Variants in FARP2 observed in about 807,000 individuals in gnomAD.
FARP2 encodes FERM, ARHGEF and pleckstrin domain-containing protein 2.
Under a neutral mutation model 130.5 loss-of-function variants are expected in FARP2, and 111 were observed. The ratio of observed to expected loss-of-function variants is 0.85; its 90% confidence interval spans 0.73 to 1.00. The LOEUF (loss-of-function observed/expected upper bound fraction) is 1.00, where lower values mean the gene tolerates loss of function less well. Ranked by LOEUF, FARP2 falls within the 50% of genes least tolerant of loss-of-function variation. FARP2 has a pLI of 0.00. For synonymous variants in FARP2, 504 were observed against 516.9 expected (o/e 0.98, Z 0.34); for missense variants, 1,385 against 1,346.3 (o/e 1.03, Z -0.45).
chr2:241,411,322 G>A (rs1468266957), intron 6 of FARP2, among the ~76,000 whole-genome samples, 192 bp downstream of exon 6: 2 of 152,242 alleles, frequency 1.3e-5, no homozygotes, highest in Non-Finnish European at 2.9e-5. Context: ...GAGGCAAATA[G>A]TTTCCACGTA....
At position 241,413,498 on chromosome 2, in the gene FARP2, T is replaced by C. The variant is rs529912710; in HGVS notation, c.623+77T>C. On this transcript the variant is annotated intron_variant, in intron 7 of 26. Coordinates refer to ENST00000264042, the MANE Select transcript of FARP2 (RefSeq NM_014808.4). ...AGAGTGTGTAACGAGAAAGGACTGT[T>C]GTCGTGACTTCTGCAAGATTCTAAC... 137 of 1,017,520 alleles carry C rather than the reference T, an allele frequency of 1.3e-4. 1 individual carries two copies. The South Asian group carries it at 1.9e-3, about 14-fold the overall frequency. The allele number at this position is 1,017,520 out of a possible 1,614,324, so 63.0% of individuals were successfully genotyped here.
intron 18 of FARP2, among the ~76,000 whole-genome samples, chr2:241,472,548 C>A (rs546059794): frequency 6.7e-6 from 1 of 149,648 alleles, no homozygotes; most frequent in East Asian, 2.0e-4. Flanking sequence ...CTGTGAGGAC[C>A]CTGTTCTGTG....
At chr2:241,476,056 AC>A in intron 19 of FARP2, 69 bp downstream of exon 19, 1 of 1,433,466 alleles carries the variant, frequency 7.0e-7, no homozygotes, top group Non-Finnish European at 9.6e-7. Flanking sequence ...TAATTTACAT[AC>A]CACAAAAGTC....
intron 14 of FARP2, among the ~76,000 whole-genome samples, chr2:241,461,800 G>A (rs560537553): frequency 2.9e-4 from 44 of 152,360 alleles, no homozygotes; most frequent in Non-Finnish European, 5.3e-4. Flanking sequence ...GGGAGAGGAC[G>A]GAGAAGAGGC....
At chr2:241,456,060 A>G (rs1018589193) in intron 13 of FARP2, among the ~76,000 whole-genome samples, 1 of 151,964 alleles carries the variant, frequency 6.6e-6, no homozygotes, top group East Asian at 1.9e-4. Flanking sequence ...TTTTTTTATT[A>G]TAAAATACAC....
At chr2:241,481,470 A>G (rs931319887) in intron 19 of FARP2, among the ~76,000 whole-genome samples, 2 of 152,220 alleles carry the variant, frequency 1.3e-5, no homozygotes, top group African/African-American at 2.4e-5. Context: ...AGAAGAAGGT[A>G]TTGAAAATGT....
chr2:241,370,448 C>T lies in FARP2; in HGVS notation c.-24-2636C>T, dbSNP rs116433700. ...ACAAAAAATTTGAAGTTTGTGAGGTCTTGCATATGTTAATTGCCTCAATTT... is the reference window on the plus strand; with the variant it reads ...ACAAAAAATTTGAAGTTTGTGAGGTTTTGCATATGTTAATTGCCTCAATTT... On this transcript the variant is annotated intron_variant, in intron 1 of 26. Transcript: ENST00000264042. 8.0e-3 allele frequency among the ~76,000 whole-genome samples: 1,224 copies of T among 152,164 alleles called. 9 individuals are homozygous for T. The highest frequency in any genetic ancestry group is 0.014 in the Non-Finnish European group (945 of 68,002).
Position 241,493,369 on chromosome 2 carries a change from A to G in FARP2, c.2972A>G (p.Lys991Arg). The G allele has an allele frequency of 1.2e-6, 2 of 1,613,938 alleles. No homozygotes were observed. The highest frequency in any genetic ancestry group is 1.7e-6 in the Non-Finnish European group (2 of 1,179,966). ...CCCAGGGAGGCCGATGGCATACACAAAGACTATGTTTTCAAGCTCCAGTTC... is the reference window on the plus strand; with the variant it reads ...CCCAGGGAGGCCGATGGCATACACAGAGACTATGTTTTCAAGCTCCAGTTC... ...SIPREADGIH[K>R]DYVFKLQFKS... The change falls in exon 26 of 27, where the codon AAA (lysine) becomes AGA (arginine). Residue 991 changes from lysine to arginine, a missense_variant. Coordinates refer to ENST00000264042, the MANE Select transcript of FARP2 (RefSeq NM_014808.4).
intron 2 of FARP2, among the ~76,000 whole-genome samples, chr2:241,394,517 C>CAAA (rs10592643): frequency 1.3e-5 from 1 of 79,820 alleles, no homozygotes; most frequent in African/African-American, 5.6e-5. Context: ...GACTCCATCT[C>CAAA]AAAAAAAAAA....
intron 2 of FARP2, among the ~76,000 whole-genome samples, chr2:241,382,074 G>A (rs529841580): frequency 5.9e-5 from 9 of 152,168 alleles, no homozygotes; most frequent in Non-Finnish European, 1.0e-4. Flanking sequence ...CACAGCCAAA[G>A]ATAACTACCC....
rs2065056094 is a variant in FARP2, at chr2:241,494,636, T to TTTA, written c.*511_*512insTTA. 6.6e-6 allele frequency: 1 copy of TTTA among 152,206 alleles called. No individual in the cohort carries two copies. The highest frequency in any genetic ancestry group is 6.5e-5 in the Admixed American group (1 of 15,286). The allele number at this position is 152,206 out of a possible 1,614,324, so 9.4% of individuals were successfully genotyped here. ...AAGTGGCAGCCCCAGGGGCCTGCCC[T>TTTA]GCAGGTCACAGCTAAACAAGTCTGG... On this transcript the variant is annotated 3_prime_UTR_variant, in exon 27 of 27. Transcript: ENST00000264042. The surrounding 1 kb of genome is among the most constrained non-coding windows in gnomAD (Gnocchi z 4.9).
In FARP2 at chr2:241,463,729, CAT is replaced by C. The variant is rs1301168408; in HGVS notation, c.1812-168_1812-167del. On this transcript the variant is annotated intron_variant, in intron 16 of 26. Transcript: ENST00000264042. ...ATCTGTTTTAGAGAATGGCCAGACA[CAT>C]AATAGCAGCTTCCATCCAGGGCAGG... 3 of 686,562 alleles carry C rather than the reference CAT, an allele frequency of 4.4e-6. No homozygotes were observed. The East Asian group carries it at 8.1e-5, about 19-fold the overall frequency. The allele number at this position is 686,562 out of a possible 1,614,324, so 42.5% of individuals were successfully genotyped here. A position where few individuals can be genotyped will look rare whatever the true frequency, so the allele number is the denominator to read the frequency against.
intron 8 of FARP2, among the ~76,000 whole-genome samples, chr2:241,420,732 C>CT (rs2062785323): frequency 6.6e-6 from 1 of 152,186 alleles, no homozygotes; most frequent in African/African-American, 2.4e-5. Flanking sequence ...TGCTCTGCTA[C>CT]TTTTTAGCAG....
intron 14 of FARP2, among the ~76,000 whole-genome samples, chr2:241,457,661 G>A (rs1489361687): frequency 1.3e-4 from 14 of 106,008 alleles, no homozygotes; most frequent in African/African-American, 5.3e-4. Context: ...GCTCTTGGGC[G>A]GGAGACCCAG....
At chr2:241,486,914 C>A (rs1440896920) in intron 21 of FARP2, among the ~76,000 whole-genome samples, 1 of 152,232 alleles carries the variant, frequency 6.6e-6, no homozygotes, top group African/African-American at 2.4e-5. Flanking sequence ...CTCTCTTACT[C>A]TTCCCAAGTG....
chr2:241,485,711 T>C (rs1412803523), intron 21 of FARP2, among the ~76,000 whole-genome samples: 1 of 150,548 alleles, frequency 6.6e-6, no homozygotes, highest in Non-Finnish European at 1.5e-5. Flanking sequence ...GGGTCCTCCT[T>C]CCCTAGGATC....
At chr2:241,435,629 A>G (rs1331456028) in intron 11 of FARP2, among the ~76,000 whole-genome samples, 2 of 148,642 alleles carry the variant, frequency 1.3e-5, no homozygotes, top group African/African-American at 5.0e-5. Context: ...CTTCTGCCTC[A>G]GCCTCCCGAG....
At chr2:241,467,739 CGA>C (rs2064209974) in intron 17 of FARP2, among the ~76,000 whole-genome samples, 1 of 151,984 alleles carries the variant, frequency 6.6e-6, no homozygotes, top group Non-Finnish European at 1.5e-5. Flanking sequence ...GTTTCTGGAG[CGA>C]GCCCTAAGAC....
intron 2 of FARP2, among the ~76,000 whole-genome samples, chr2:241,376,465 T>A (rs1473938113): frequency 6.6e-6 from 1 of 152,230 alleles, no homozygotes; most frequent in Non-Finnish European, 1.5e-5. Flanking sequence ...CAATTGTCTG[T>A]GCCACTCTAA....
Sources: gnomAD v4.1 joint callset for allele counts (sites outside exome capture counted in the v4.1 genomes callset) on GRCh38, gnomAD v4.1.1 for gene constraint, Gnocchi (gnomAD v3.1) non-coding constraint, MANE v1.5 for transcripts, NCBI Gene and HGNC (gene_info 2026-07-23, HGNC 2026-07-21) for gene names.